The following DNHD1 variants were observed in gnomAD, a reference collection of about 807,000 sequenced individuals.
The protein encoded by DNHD1 is dynein heavy chain domain-containing protein 1.
Under a neutral mutation model 458.1 loss-of-function variants are expected in DNHD1, and 383 were observed. The observed-to-expected ratio is 0.84, with a 90% CI of 0.77 to 0.91. The LOEUF is 0.91. Among genes scored for constraint, DNHD1 ranks in the 40% least tolerant of loss-of-function variants. The pLI, the probability that DNHD1 is intolerant of heterozygous loss-of-function variation, is 0.00. For synonymous variants in DNHD1, 2,203 were observed against 2,376.9 expected (o/e 0.93, Z 2.13); for missense variants, 5,336 against 5,866.1 (o/e 0.91, Z 2.95).
Position 6,567,742 on chromosome 11 carries a change from C to A in DNHD1, c.12233C>A (p.Pro4078His). ...LDENTYAPTM[P>H]FKHSQATQPM... ...GAAAACACGTATGCTCCCACCATGC[C>A]CTTTAAACATAGTCAGGCTACTCAG... Residue 4078 changes from proline to histidine, a missense_variant, in exon 36 of 43, where the codon CCC becomes CAC. Physicochemically the swap from Pro to His is moderately conservative, Grantham distance 77. This residue lies in a region of DNHD1 where 695 missense variants were observed against 804.2 expected (regional missense o/e 0.86). Transcript: ENST00000254579. 1 of 1,613,982 alleles carries A rather than the reference C, an allele frequency of 6.2e-7. No homozygotes were observed. The highest frequency in any genetic ancestry group is 8.5e-7 in the Non-Finnish European group (1 of 1,179,904).
Position 6,570,915 on chromosome 11 carries a change from C to T in DNHD1, c.13403C>T (p.Ala4468Val). The change falls in exon 42 of 43, where the codon GCC becomes GTC. Residue 4468 changes from alanine to valine, a missense_variant. By Grantham distance (64) the Ala-to-Val change is moderately conservative (BLOSUM62 0). Around this residue, in one of 4 missense-constraint regions of DNHD1, gnomAD observed 698 missense variants for 664.9 expected, o/e 1.05. Transcript: ENST00000254579. The stretch of plus-strand genomic sequence containing the variant: ...GTGATTCGCCAAGACGAGTCCGACG[C>T]CCCGTGGTCAGTGCTGGGGCCAAAT... ...THVIRQDESDAPWSVLGPNAR... is the reference protein window; with the variant it reads ...THVIRQDESDVPWSVLGPNAR... 1 of 1,613,322 alleles carries T rather than the reference C, an allele frequency of 6.2e-7. No homozygotes were observed. The highest frequency in any genetic ancestry group is 8.5e-7 in the Non-Finnish European group (1 of 1,179,286).
At chr11:6,552,744 T>C (rs996602513) in intron 24 of DNHD1, among the ~76,000 whole-genome samples, 1 of 152,034 alleles carries the variant, frequency 6.6e-6, no homozygotes, top group Non-Finnish European at 1.5e-5. Context: ...GGCCCCGTGA[T>C]CCACTCACCT....
Position 6,544,813 on chromosome 11 carries a change from G to A in DNHD1, c.3874G>A (p.Asp1292Asn), listed in dbSNP as rs779547192. The A allele has an allele frequency of 1.5e-5, 24 of 1,551,490 alleles. 3 individuals carry two copies. In the South Asian group the frequency reaches 2.9e-4, roughly 18 times the overall value. Residue 1292 changes from aspartate (D) to asparagine (N), a missense_variant, in exon 21 of 43, where the codon GAT (aspartate) becomes AAT (asparagine). Physicochemically the swap from Asp to Asn is conservative, Grantham distance 23 (BLOSUM62 1). This residue lies in a region of DNHD1 where 3,932 missense variants were observed against 4,365.6 expected (regional missense o/e 0.90). Transcript: ENST00000254579. ...ADLNSRFKVM[D>N]DQYRTLMRIS... ...ACAGAACTCTCGTTTCAAGGTCATG[G>A]ATGACCAGTATCGAACCCTGATGCG... is the stretch of plus-strand genomic sequence containing the variant.
chr11:6,552,379 C>G (rs1013952552), intron 24 of DNHD1, among the ~76,000 whole-genome samples: 2 of 152,008 alleles, frequency 1.3e-5, no homozygotes, highest in African/African-American at 4.8e-5. Flanking sequence ...CAAAAATTAG[C>G]TGGGTGTGGT....
Position 6,529,018 on chromosome 11 carries a change from C to G in DNHD1, c.2244C>G (p.Ser748Arg). The change falls in exon 12 of 43, where the codon AGC becomes AGG. Residue 748 changes from serine to arginine, a missense_variant. Around this residue, in one of 4 missense-constraint regions of DNHD1, gnomAD observed 3,932 missense variants for 4,365.6 expected, o/e 0.90. Transcript: ENST00000254579. ...TCAAGAACTACGTGACGCTGGTGAG[C>G]CGCCTGAATGTTTGGCAGGCCCGTG... Reference protein sequence around the residue: ...GPIKNYVTLVSRLNVWQARVS... With the variant: ...GPIKNYVTLVRRLNVWQARVS... 6.4e-7 allele frequency: 1 copy of G among 1,551,446 alleles called. No individual in the cohort carries two copies. Among genetic ancestry groups the G allele is most frequent in the Non-Finnish European group, 8.7e-7 (1 of 1,146,994 alleles).
At chr11:6,562,868 C>T (rs1471951763) in intron 28 of DNHD1, 114 bp from the exon 29 acceptor site, 22 of 1,242,628 alleles carry the variant, frequency 1.8e-5, no homozygotes, top group Admixed American at 2.7e-5. Context: ...TGGAGTTCAA[C>T]GTGGTCAGTC....
Position 6,557,781 on chromosome 11 carries a change from C to T in DNHD1, c.8486C>T (p.Pro2829Leu). ...LVFSQELILGPNSETPNLYLE... is the reference protein window; with the variant it reads ...LVFSQELILGLNSETPNLYLE... ...TTCAGTCAGGAGCTGATACTGGGGCCTAACTCTGAGACCCCCAACTTGTAC... is the reference window on the plus strand; with the variant it reads ...TTCAGTCAGGAGCTGATACTGGGGCTTAACTCTGAGACCCCCAACTTGTAC... The change falls in exon 25 of 43, where the codon CCT becomes CTT. Residue 2829 changes from proline to leucine, a missense_variant. By Grantham distance (98) the Pro-to-Leu change is moderately conservative. This residue lies in a region of DNHD1 where 3,932 missense variants were observed against 4,365.6 expected (regional missense o/e 0.90). Coordinates refer to ENST00000254579, the MANE Select transcript of DNHD1 (RefSeq NM_144666.3). 6.4e-7 allele frequency: 1 copy of T among 1,551,578 alleles called. No homozygotes were observed. Among genetic ancestry groups the T allele is most frequent in the Non-Finnish European group, 8.7e-7 (1 of 1,146,978 alleles).
chr11:6,567,464 A>C lies in DNHD1; in HGVS notation c.11955A>C (p.Lys3985Asn), dbSNP rs1298826772. 6.2e-7 allele frequency: 1 copy of C among 1,612,680 alleles called. No individual in the cohort carries two copies. Reference protein sequence around the residue: ...DVARPAWLGPKAWHECEMLEL... With the variant: ...DVARPAWLGPNAWHECEMLEL... Reference sequence around the variant, plus strand: ...CTCGACCGGCCTGGCTTGGGCCAAAAGCCTGGCATGAATGTGAGATGTTAG... The same window carrying C: ...CTCGACCGGCCTGGCTTGGGCCAAACGCCTGGCATGAATGTGAGATGTTAG... Residue 3985 changes from lysine to asparagine, a missense_variant, in exon 36 of 43, where the codon AAA (lysine) becomes AAC (asparagine). Lys to Asn is a moderately conservative substitution (Grantham distance 94, BLOSUM62 0). Around this residue, in one of 4 missense-constraint regions of DNHD1, gnomAD observed 695 missense variants for 804.2 expected, o/e 0.86. Coordinates refer to ENST00000254579, the MANE Select transcript of DNHD1 (RefSeq NM_144666.3).
At position 6,566,894 on chromosome 11, in the gene DNHD1, G is replaced by A. The variant is rs1292180811; in HGVS notation, c.11386-1G>A. The A allele has an allele frequency of 6.2e-7, 1 of 1,611,414 alleles. No homozygotes were observed. Among genetic ancestry groups the A allele is most frequent in the South Asian group, 1.1e-5 (1 of 90,776 alleles). ...TCCATCCAACAAATGAGTGTATGCA[G>A]GAGCGGCTGCTGACGATGCTGCTGT... On this transcript the variant is annotated splice_acceptor_variant, in intron 35 of 42. Transcript: ENST00000254579. LOFTEE classifies it high-confidence loss of function.
At position 6,548,870 on chromosome 11, in the gene DNHD1, C is replaced by T. The variant is rs1476058029; in HGVS notation, c.7324C>T (p.His2442Tyr). Reference protein sequence around the residue: ...GQTQASPQPGHHQDSKPSLLF... With the variant: ...GQTQASPQPGYHQDSKPSLLF... The stretch of plus-strand genomic sequence containing the variant: ...AACACAAGCCAGCCCACAGCCTGGG[C>T]ATCACCAGGATTCTAAACCCTCCCT... Residue 2442 changes from histidine (H) to tyrosine (Y), a missense_variant, in exon 24 of 43, where the codon CAT (histidine) becomes TAT (tyrosine). Physicochemically the swap from His to Tyr is moderately conservative, Grantham distance 83. Transcript: ENST00000254579. This position sits in a 1 kb window ranked among gnomAD's most constrained non-coding sequence, Gnocchi z 4.4. The T allele has an allele frequency of 1.3e-6, 2 of 1,551,728 alleles. No individual in the cohort carries two copies. Among genetic ancestry groups the T allele is most frequent in the Non-Finnish European group, 1.7e-6 (2 of 1,147,000 alleles).
rs117296913 is a variant in DNHD1, at chr11:6,504,812, C to T, written c.920+1886C>T. 5.4e-4 allele frequency among the ~76,000 whole-genome samples: 82 copies of T among 152,150 alleles called. No homozygotes were observed. The East Asian group carries it at 0.014, about 26-fold the overall frequency. ...AGAGATACCAACACCAGCTGGTAGC[C>T]CCTTTCCTTCAGAGTTCTTTTTGTT... On this transcript the variant is annotated intron_variant, in intron 4 of 42. Transcript: ENST00000254579.
intron 18 of DNHD1, among the ~76,000 whole-genome samples, chr11:6,542,001 AT>A (rs1311507632): frequency 6.6e-6 from 1 of 152,152 alleles, no homozygotes; most frequent in Non-Finnish European, 1.5e-5. Context: ...TATTACCCAA[AT>A]TCTTTATCCT....
chr11:6,524,984 C>G (rs897055983), intron 10 of DNHD1, among the ~76,000 whole-genome samples: 1 of 152,160 alleles, frequency 6.6e-6, no homozygotes, highest in African/African-American at 2.4e-5. Context: ...ATCACTCTTT[C>G]CTGCTTTTAG....
chr11:6,538,957 C>T (rs1853029807), intron 16 of DNHD1, 147 bp downstream of exon 16: 7 of 1,022,106 alleles, frequency 6.8e-6, no homozygotes, highest in Non-Finnish European at 9.7e-6. Context: ...AATTTCTTTT[C>T]CTTAACTGGG....
chr11:6,549,675 C>A (rs753385155), intron 24 of DNHD1, among the ~76,000 whole-genome samples: 9 of 152,218 alleles, frequency 5.9e-5, no homozygotes, highest in Non-Finnish European at 1.2e-4. Context: ...GTGCTCTGTA[C>A]AATAATCTGT....
At position 6,558,297 on chromosome 11, in the gene DNHD1, GGT is replaced by G. The variant is rs1304692047; in HGVS notation, c.9002+2_9002+3del. The G allele has an allele frequency of 6.5e-7, 1 of 1,550,342 alleles. No homozygotes were observed. The highest frequency in any genetic ancestry group is 8.7e-7 in the Non-Finnish European group (1 of 1,146,506). ...ATCAAGAAGGAAATGGTGTTGCAGA[GGT>G]GAGGCCAAGAACCCCATATGCGAAT... On this transcript the variant is annotated splice_donor_variant, in intron 25 of 42. Transcript: ENST00000254579. LOFTEE classifies it high-confidence loss of function.
chr11:6,566,094 A>G (rs1375363851), intron 33 of DNHD1, 103 bp downstream of exon 33: 2 of 1,483,438 alleles, frequency 1.3e-6, no homozygotes, highest in Non-Finnish European at 1.8e-6. Context: ...CCCATCCTTC[A>G]TCCCAGGCAC....
At chr11:6,559,438 C>T (rs772280901) in intron 28 of DNHD1, among the ~76,000 whole-genome samples, 155 bp downstream of exon 28, 3 of 152,220 alleles carry the variant, frequency 2.0e-5, no homozygotes, top group Non-Finnish European at 2.9e-5. Context: ...TCCTCCTTTA[C>T]AGCTTAGGTT....
Position 6,557,411 on chromosome 11 carries a change from C to A in DNHD1, c.8116C>A (p.Pro2706Thr), listed in dbSNP as rs192678564. 6,524 of 1,550,816 alleles carry A rather than the reference C, an allele frequency of 4.2e-3. 23 individuals carry two copies. Among genetic ancestry groups the A allele is most frequent in the South Asian group, 5.6e-3 (467 of 84,040 alleles). ...GGAGGAGGAGGAGGAGGAGAGGGTGCCCGAAGTAGAATCTGAAGGGGAGTT... is the reference window on the plus strand; with the variant it reads ...GGAGGAGGAGGAGGAGGAGAGGGTGACCGAAGTAGAATCTGAAGGGGAGTT... Reference protein sequence around the residue: ...SEEEEEEERVPEVESEGELAQ... With the variant: ...SEEEEEEERVTEVESEGELAQ... The change falls in exon 25 of 43, where the codon CCC (proline) becomes ACC (threonine). Residue 2706 changes from proline (P) to threonine (T), a missense_variant. By Grantham distance (38) the Pro-to-Thr change is conservative. Transcript: ENST00000254579.
Sources: gnomAD v4.1 joint callset for allele counts (sites outside exome capture counted in the v4.1 genomes callset) on GRCh38, gnomAD v4.1.1 for gene constraint, gnomAD v4.1.1 regional missense constraint, Gnocchi (gnomAD v3.1) non-coding constraint, MANE v1.5 for transcripts, NCBI Gene and HGNC (gene_info 2026-07-23, HGNC 2026-07-21) for gene names.